Variants in CARMIL1 observed in about 807,000 individuals in gnomAD.
CARMIL1 encodes the protein capping protein regulator and myosin 1 linker 1, also known as F-actin-uncapping protein LRRC16A.
Under a neutral mutation model 177.1 loss-of-function variants are expected in CARMIL1, and 90 were observed. The ratio of observed to expected loss-of-function variants is 0.51; its 90% CI spans 0.43 to 0.61. The LOEUF is 0.61. Ranked by LOEUF, CARMIL1 falls within the 20% of genes least tolerant of loss-of-function variation. The pLI is 0.00. For missense variants in CARMIL1, 1,380 were observed against 1,667.0 expected, an observed-to-expected ratio of 0.83 and a Z score of 3.00; for synonymous variants, 577 against 606.2, an observed-to-expected ratio of 0.95 and a Z score of 0.71.
intron 2 of CARMIL1, among the ~76,000 whole-genome samples, chr6:25,372,508 A>G (rs976630666): frequency 1.3e-5 from 2 of 152,024 alleles, no homozygotes; most frequent in Non-Finnish European, 2.9e-5. Context: ...TGCTGTTATT[A>G]TAAAAGGGAT....
rs73734016 is a variant in CARMIL1, at chr6:25,493,230, A to G, written c.1220+1206A>G. On this transcript the variant is annotated intron_variant, in intron 15 of 36. Transcript: ENST00000329474. ...AGAGCTGTTAAGCTTATAGAACAGA[A>G]TTGCGCTAACAAATTGTCTTGTCTT... Among the ~76,000 whole-genome samples the G allele has an allele frequency of 8.1e-3, 1,233 of 152,324 alleles. 7 individuals are homozygous for G. The highest frequency in any genetic ancestry group is 0.02 in the African/African-American group (847 of 41,564).
chr6:25,550,801 C>A, intron 26 of CARMIL1, 109 bp from the exon 27 acceptor site: 2 of 972,146 alleles, frequency 2.1e-6, no homozygotes, highest in Non-Finnish European at 3.1e-6. Context: ...CTCCGTCGTG[C>A]TCCTGTTCTC....
At chr6:25,401,427 TTA>T (rs1270014907) in intron 2 of CARMIL1, among the ~76,000 whole-genome samples, 2 of 152,226 alleles carry the variant, frequency 1.3e-5, no homozygotes, top group African/African-American at 4.8e-5. Flanking sequence ...CTATGTTTGC[TTA>T]TACAAGACAC....
Position 25,594,478 on chromosome 6 carries a change from G to A in CARMIL1, c.3070G>A (p.Glu1024Lys). ...GAATGGTCTCATGGGGAGAGTGGAT[G>A]AAGGTGTAGATGAATTTTTTACCAA... ...EQNGLMGRVD[E>K]GVDEFFTKKV... The change falls in exon 32 of 37, where the codon GAA becomes AAA. Residue 1024 changes from glutamate to lysine, a missense_variant. Physicochemically the swap from Glu to Lys is moderately conservative, Grantham distance 56. Transcript: ENST00000329474. 2 of 1,613,650 alleles carry A rather than the reference G, an allele frequency of 1.2e-6. No individual in the cohort carries two copies. Among genetic ancestry groups the A allele is most frequent in the Non-Finnish European group, 1.7e-6 (2 of 1,179,638 alleles).
At chr6:25,604,647 T>G (rs746209084) in intron 33 of CARMIL1, among the ~76,000 whole-genome samples, 165 bp from the exon 34 acceptor site, 2 of 152,148 alleles carry the variant, frequency 1.3e-5, no homozygotes, top group Non-Finnish European at 2.9e-5. Flanking sequence ...TTCTCACAGT[T>G]TTGTCCCAGC....
At chr6:25,605,964 C>A in intron 34 of CARMIL1, 97 bp from the exon 35 acceptor site, 1 of 770,990 alleles carries the variant, frequency 1.3e-6, no homozygotes, top group Non-Finnish European at 2.1e-6. Context: ...TGATGAGAAA[C>A]GATGGCAAAT....
In CARMIL1 at chr6:25,374,225, G is replaced by A. The variant is rs1167537964; in HGVS notation, c.139-45889G>A. 3.3e-5 allele frequency among the ~76,000 whole-genome samples: 5 copies of A among 152,098 alleles called. No individual in the cohort carries two copies. The South Asian group carries it at 6.2e-4, about 19-fold the overall frequency. On this transcript the variant is annotated intron_variant, in intron 2 of 36. Coordinates refer to ENST00000329474, the MANE Select transcript of CARMIL1 (RefSeq NM_017640.6). ...GCTGTATCCCAGAGGTTTTGATGAT[G>A]TGTATCACTATTATTCATTTTGAAA...
At chr6:25,388,213 T>C (rs1049737161) in intron 2 of CARMIL1, 1 of 152,164 alleles carries the variant, frequency 6.6e-6, no homozygotes, top group African/African-American at 2.4e-5. Context: ...TCTACAACAG[T>C]AGAGTAAAGG....
intron 17 of CARMIL1, among the ~76,000 whole-genome samples, chr6:25,501,243 G>A (rs1409767597): frequency 1.3e-5 from 2 of 151,822 alleles, no homozygotes; most frequent in Non-Finnish European, 2.9e-5. Context: ...TCCTATTCCC[G>A]GGCCTTTATA....
chr6:25,305,104 C>A (rs1783158216), intron 2 of CARMIL1, among the ~76,000 whole-genome samples: 1 of 152,186 alleles, frequency 6.6e-6, no homozygotes. Context: ...TATCTTCCTG[C>A]TGTCCTGGTG....
chr6:25,309,404 GT>G (rs1352763220), intron 2 of CARMIL1, among the ~76,000 whole-genome samples: 60 of 145,566 alleles, frequency 4.1e-4, no homozygotes, highest in African/African-American at 1.5e-3. Context: ...CATTTCACCT[GT>G]TTAAAGTGTA....
intron 2 of CARMIL1, among the ~76,000 whole-genome samples, chr6:25,299,537 C>G (rs1171920318): frequency 1.3e-5 from 2 of 152,096 alleles, no homozygotes; most frequent in Admixed American, 6.6e-5. Flanking sequence ...TGAGGTATTT[C>G]AGTCCCAGCA....
chr6:25,452,155 A>G, intron 8 of CARMIL1: 1 of 765,084 alleles, frequency 1.3e-6, no homozygotes, highest in Non-Finnish European at 2.4e-6. Flanking sequence ...GGACTACGGA[A>G]GATGGTGAAG....
chr6:25,546,732 C>G (rs113619981), intron 26 of CARMIL1, among the ~76,000 whole-genome samples: 335 of 148,722 alleles, frequency 2.3e-3, no homozygotes, highest in African/African-American at 7.8e-3. Flanking sequence ...TAGAAAATAT[C>G]ATTAAAAATA....
intron 33 of CARMIL1, among the ~76,000 whole-genome samples, chr6:25,601,139 T>G (rs1815358259): frequency 6.6e-6 from 1 of 152,218 alleles, no homozygotes. Context: ...TTGCCCTCGC[T>G]GGGTTTATTT....
At chr6:25,437,080 A>G (rs1797296193) in intron 5 of CARMIL1, among the ~76,000 whole-genome samples, 1 of 152,232 alleles carries the variant, frequency 6.6e-6, no homozygotes. Flanking sequence ...TAAAGCCACC[A>G]GAGAACTAGC....
chr6:25,533,751 G>T (rs1305914805), intron 24 of CARMIL1, among the ~76,000 whole-genome samples: 1 of 151,808 alleles, frequency 6.6e-6, no homozygotes, highest in Admixed American at 6.6e-5. Flanking sequence ...TTTTCCTTTG[G>T]CTATTTGCTT....
In CARMIL1 at chr6:25,559,325, T is replaced by C. The variant is rs1057393653; in HGVS notation, c.2742+2475T>C. 5.3e-5 allele frequency among the ~76,000 whole-genome samples: 8 copies of C among 152,264 alleles called. No individual in the cohort carries two copies. In the East Asian group the frequency reaches 5.8e-4, roughly 11 times the overall value. On this transcript the variant is annotated intron_variant, in intron 29 of 36. Coordinates refer to ENST00000329474, the MANE Select transcript of CARMIL1 (RefSeq NM_017640.6). ...AAGCTGTGACCCTCATACGATGCCATTGGGGGAAAAAAGTTTGCAGTCCAT... is the reference window on the plus strand; with the variant it reads ...AAGCTGTGACCCTCATACGATGCCACTGGGGGAAAAAAGTTTGCAGTCCAT...
chr6:25,586,972 G>A (rs1338860821), intron 31 of CARMIL1, among the ~76,000 whole-genome samples: 1 of 148,852 alleles, frequency 6.7e-6, no homozygotes, highest in Non-Finnish European at 1.5e-5. Flanking sequence ...GAGAGACCGT[G>A]GAGAGAGAGG....
Sources: allele counts gnomAD v4.1 joint callset (sites outside exome capture counted in the v4.1 genomes callset), GRCh38; gene constraint gnomAD v4.1.1; transcripts MANE v1.5; gene names NCBI Gene and HGNC (gene_info 2026-07-23, HGNC 2026-07-21).